Variants in SHLD1 observed in about 807,000 individuals in gnomAD.
SHLD1 encodes shieldin complex subunit 1.
In SHLD1, 3 loss-of-function variants were observed where a neutral mutation model predicts 5.5. The ratio of observed to expected loss-of-function variants is 0.54; its 90% CI spans 0.25 to 1.40. The LOEUF is 1.40. Among genes scored for constraint, SHLD1 ranks in the 40% most tolerant of loss-of-function variants. The pLI is 0.15. For synonymous variants in SHLD1, 92 were observed against 94.3 expected (o/e 0.98, Z 0.14); for missense variants, 210 against 244.4 (o/e 0.86, Z 0.94).
At chr20:5,756,057 T>C (rs933691103) in intron 1 of SHLD1, among the ~76,000 whole-genome samples, 2 of 152,192 alleles carry the variant, frequency 1.3e-5, no homozygotes, top group Non-Finnish European at 2.9e-5. Flanking sequence ...GTCAGTCTTA[T>C]GATCTCTATT....
chr20:5,778,477 C>T (rs1985541640), intron 2 of SHLD1, among the ~76,000 whole-genome samples: 1 of 151,672 alleles, frequency 6.6e-6, no homozygotes, highest in Non-Finnish European at 1.5e-5. Context: ...TGTGGTGGTA[C>T]ACACCTGTGG....
intron 2 of SHLD1, among the ~76,000 whole-genome samples, chr20:5,809,770 C>T (rs1023872539): frequency 6.6e-6 from 1 of 151,948 alleles, no homozygotes; most frequent in African/African-American, 2.4e-5. Context: ...GACATATAGT[C>T]GGGAGAGGCC....
intron 1 of SHLD1, among the ~76,000 whole-genome samples, chr20:5,759,043 C>T (rs1016454796): frequency 1.4e-5 from 2 of 144,668 alleles, no homozygotes; most frequent in East Asian, 2.2e-4. Context: ...CAACCTCCAT[C>T]TCCTGGCTTC....
Position 5,806,300 on chromosome 20 carries a change from A to T in SHLD1, c.178+33257A>T, listed in dbSNP as rs573133333. 6.6e-6 allele frequency among the ~76,000 whole-genome samples: 1 copy of T among 152,256 alleles called. No homozygotes were observed. The highest frequency in any genetic ancestry group is 1.5e-5 in the Non-Finnish European group (1 of 68,050). ...ACTTTAAAACTGTTGCTTACGCATC[A>T]TGCTATTGGTCCACAGTATATGGAT... On this transcript the variant is annotated intron_variant, in intron 2 of 2. Coordinates refer to ENST00000303142, the MANE Select transcript of SHLD1 (RefSeq NM_152504.4). The surrounding 1 kb of genome is among the most constrained non-coding windows in gnomAD (Gnocchi z 7.6).
At chr20:5,778,618 A>AT (rs1555770787) in intron 2 of SHLD1, among the ~76,000 whole-genome samples, 5 of 151,622 alleles carry the variant, frequency 3.3e-5, no homozygotes, top group African/African-American at 7.3e-5. Flanking sequence ...AAAAAAAAAA[A>AT]AAATAAGGAC....
intron 2 of SHLD1, among the ~76,000 whole-genome samples, chr20:5,849,931 A>AGTCCGGC (rs1365517240): frequency 7.1e-5 from 10 of 140,416 alleles, no homozygotes; most frequent in African/African-American, 2.4e-4. Context: ...TGCAGTCCGC[A>AGTCCGGC]GTCCGGCCTG....
At chr20:5,820,974 C>T (rs1568519232) in intron 2 of SHLD1, among the ~76,000 whole-genome samples, 1 of 152,210 alleles carries the variant, frequency 6.6e-6, no homozygotes, top group East Asian at 1.9e-4. Flanking sequence ...GGCAGTTCCC[C>T]TAAAGTCCCA....
At chr20:5,754,655 G>C (rs1298258575) in intron 1 of SHLD1, among the ~76,000 whole-genome samples, 1 of 152,140 alleles carries the variant, frequency 6.6e-6, no homozygotes, top group Non-Finnish European at 1.5e-5. Context: ...TACATTTTAG[G>C]CCTCAAAATG....
chr20:5,819,496 C>T (rs1348007313), intron 2 of SHLD1, among the ~76,000 whole-genome samples: 1 of 152,102 alleles, frequency 6.6e-6, no homozygotes, highest in East Asian at 1.9e-4. Context: ...GGAACAACAC[C>T]GACTATTGTC....
At chr20:5,763,628 C>T (rs1600095080) in intron 1 of SHLD1, among the ~76,000 whole-genome samples, 1 of 152,204 alleles carries the variant, frequency 6.6e-6, no homozygotes, top group East Asian at 1.9e-4. Context: ...TCCCCTAAGC[C>T]CACTTTTCCC....
chr20:5,800,007 T>C (rs974664939), intron 2 of SHLD1, among the ~76,000 whole-genome samples: 3 of 41,918 alleles, frequency 7.2e-5, no homozygotes, highest in Non-Finnish European at 1.0e-4. Flanking sequence ...GCTAGAGCAG[T>C]GGTTCTCAAA....
At chr20:5,845,279 A>G (rs925583579) in intron 2 of SHLD1, among the ~76,000 whole-genome samples, 1 of 152,212 alleles carries the variant, frequency 6.6e-6, no homozygotes, top group Non-Finnish European at 1.5e-5. Flanking sequence ...CTAATAAATC[A>G]TTTAATCCTT....
rs1600116631 is a variant in SHLD1, at chr20:5,782,848, T to C, written c.178+9805T>C. Among the ~76,000 whole-genome samples, 5 of 152,346 alleles carry C rather than the reference T, an allele frequency of 3.3e-5. 1 individual carries two copies. In the South Asian group the frequency reaches 1.0e-3, roughly 32 times the overall value. ...CCAAAAGGAATGAATTATAAGCTCTTAGATAAAAAAACTCAAAATAAAATT... is the reference window on the plus strand; with the variant it reads ...CCAAAAGGAATGAATTATAAGCTCTCAGATAAAAAAACTCAAAATAAAATT... On this transcript the variant is annotated intron_variant, in intron 2 of 2. Transcript: ENST00000303142.
At chr20:5,827,169 C>T (rs374803272) in intron 2 of SHLD1, among the ~76,000 whole-genome samples, 14 of 152,332 alleles carry the variant, frequency 9.2e-5, no homozygotes, top group Admixed American at 3.9e-4. Flanking sequence ...GCCTGGGGCC[C>T]GCCACCATGA....
intron 2 of SHLD1, among the ~76,000 whole-genome samples, chr20:5,790,456 T>C (rs2087122497): frequency 6.7e-6 from 1 of 148,530 alleles, no homozygotes; most frequent in Admixed American, 6.7e-5. Context: ...GATTTCTTTT[T>C]TTTTTTTTTT....
chr20:5,827,290 C>G (rs1182205440), intron 2 of SHLD1, among the ~76,000 whole-genome samples: 1 of 152,192 alleles, frequency 6.6e-6, no homozygotes, highest in Non-Finnish European at 1.5e-5. Flanking sequence ...AATAGTCCAA[C>G]CTTGCCTCCT....
At chr20:5,758,499 A>G (rs767838944) in intron 1 of SHLD1, among the ~76,000 whole-genome samples, 8 of 150,946 alleles carry the variant, frequency 5.3e-5, no homozygotes, top group Non-Finnish European at 1.0e-4. Flanking sequence ...GCTCACTGCA[A>G]CCTCCACCCC....
At chr20:5,751,272 A>G (rs557404991) in intron 1 of SHLD1, among the ~76,000 whole-genome samples, 2 of 152,156 alleles carry the variant, frequency 1.3e-5, no homozygotes, top group East Asian at 3.9e-4. Context: ...GTATAATGTC[A>G]ATGTTTTTGT....
In SHLD1 at chr20:5,775,923, A is replaced by ATTTTTTTTTTTTTTTTTTTTTTTTT. The variant is rs533313849; in HGVS notation, c.178+2902_178+2903insTTTTTTTTTTTTTTTTTTTTTTTTT. On this transcript the variant is annotated intron_variant, in intron 2 of 2. Coordinates refer to ENST00000303142, the MANE Select transcript of SHLD1 (RefSeq NM_152504.4). The stretch of plus-strand genomic sequence containing the variant: ...TGCAGTACTGCCTGGTCAGCTCAGG[A>ATTTTTTTTTTTTTTTTTTTTTTTTT]TTTTTTTTTTTTTTTTTTTTTTGAG... 1.2e-4 allele frequency among the ~76,000 whole-genome samples: 9 copies of ATTTTTTTTTTTTTTTTTTTTTTTTT among 77,684 alleles called. 1 individual carries two copies. Among genetic ancestry groups the ATTTTTTTTTTTTTTTTTTTTTTTTT allele is most frequent in the South Asian group, 4.7e-4 (1 of 2,138 alleles). The allele number at this position is 77,684 out of a possible 152,430, so 51.0% of individuals were successfully genotyped here.
Sources: allele counts gnomAD v4.1 joint callset (sites outside exome capture counted in the v4.1 genomes callset), GRCh38; gene constraint gnomAD v4.1.1; non-coding constraint Gnocchi (gnomAD v3.1); transcripts MANE v1.5; gene names NCBI Gene and HGNC (gene_info 2026-07-23, HGNC 2026-07-21).